MICU3: variants seen among roughly 807,000 people sequenced by gnomAD.
MICU3 encodes mitochondrial calcium uptake 3.
A neutral mutation model predicts 66.5 loss-of-function variants in MICU3; 62 were observed. The observed-to-expected ratio is 0.93, with a 90% confidence interval of 0.76 to 1.15. The LOEUF is 1.15. Ranked by LOEUF, MICU3 falls within the 50% of genes most tolerant of loss-of-function variation. The pLI is 0.00. For synonymous variants in MICU3, 308 were observed against 240.7 expected, an observed-to-expected ratio of 1.28 and a Z score of -2.59; for missense variants, 779 against 664.4, an observed-to-expected ratio of 1.17 and a Z score of -1.90.
intron 1 of MICU3, among the ~76,000 whole-genome samples, chr8:17,050,462 G>T (rs539359064): frequency 1.3e-5 from 2 of 151,464 alleles, no homozygotes; most frequent in Non-Finnish European, 2.9e-5. Context: ...TGATATTTTT[G>T]TGAAGATTGA....
intron 11 of MICU3, among the ~76,000 whole-genome samples, chr8:17,110,882 G>A (rs1679185756): frequency 6.6e-6 from 1 of 152,020 alleles, no homozygotes; most frequent in South Asian, 2.1e-4. Flanking sequence ...TGGTCTCATA[G>A]TGTTTTTTAG....
intron 1 of MICU3, among the ~76,000 whole-genome samples, chr8:17,037,119 C>A (rs1312792790): frequency 1.3e-5 from 2 of 152,232 alleles, no homozygotes; most frequent in African/African-American, 4.8e-5. Flanking sequence ...GACTGCGGGG[C>A]CTGCCAAGCC....
intron 1 of MICU3, among the ~76,000 whole-genome samples, chr8:17,051,673 A>AAGAGG: frequency 6.6e-6 from 1 of 152,208 alleles, no homozygotes; most frequent in Non-Finnish European, 1.5e-5. Flanking sequence ...CAACTGTGTC[A>AAGAGG]AATGCTATAA....
chr8:17,041,671 G>A (rs11203826), intron 1 of MICU3, among the ~76,000 whole-genome samples: 40,735 of 151,844 alleles, frequency 0.27, 6,207 homozygotes, highest in East Asian at 0.6. Flanking sequence ...TTAAAGGAAA[G>A]AGAATAATTG....
chr8:17,124,266 C>T (rs775379006), downstream of MICU3, among the ~76,000 whole-genome samples: 12 of 152,052 alleles, frequency 7.9e-5, no homozygotes, highest in Non-Finnish European at 1.5e-4. Flanking sequence ...CTTCCTTATA[C>T]ATCTTTCCCT....
At chr8:17,098,150 A>C (rs992365907) in intron 8 of MICU3, among the ~76,000 whole-genome samples, 1 of 151,654 alleles carries the variant, frequency 6.6e-6, no homozygotes, top group African/African-American at 2.4e-5. Context: ...ATTTTTTTTC[A>C]CCCTTTCTTA....
At chr8:17,097,210 T>G (rs906666458) in intron 8 of MICU3, among the ~76,000 whole-genome samples, 1 of 151,802 alleles carries the variant, frequency 6.6e-6, no homozygotes, top group African/African-American at 2.4e-5. Flanking sequence ...ATCAATCATT[T>G]GATCTAGCTA....
At chr8:17,027,928 C>T (rs1811306071) in intron 1 of MICU3, among the ~76,000 whole-genome samples, 1 of 152,146 alleles carries the variant, frequency 6.6e-6, no homozygotes, top group Non-Finnish European at 1.5e-5. Flanking sequence ...AACACCCCTC[C>T]CCCTCTTACA....
chr8:17,086,324 A>T (rs1415575236), intron 6 of MICU3, among the ~76,000 whole-genome samples: 1 of 152,012 alleles, frequency 6.6e-6, no homozygotes, highest in East Asian at 1.9e-4. Flanking sequence ...ATCAGAAGCT[A>T]ACTAGTAGCC....
At chr8:17,098,415 A>C (rs1329483697) in intron 8 of MICU3, 43 bp from the exon 9 acceptor site, 1 of 1,173,096 alleles carries the variant, frequency 8.5e-7, no homozygotes, top group South Asian at 1.2e-5. Flanking sequence ...ATTCTTTGTA[A>C]CTATTCTTTA....
At chr8:17,055,186 G>T (rs1816742530) in intron 1 of MICU3, among the ~76,000 whole-genome samples, 1 of 152,218 alleles carries the variant, frequency 6.6e-6, no homozygotes, top group African/African-American at 2.4e-5. Context: ...AATTTGGAAA[G>T]AGATTACAGT....
chr8:17,052,890 A>G (rs888170629), intron 1 of MICU3, among the ~76,000 whole-genome samples: 14 of 152,206 alleles, frequency 9.2e-5, no homozygotes, highest in African/African-American at 2.9e-4. Context: ...ATGCAAGTCC[A>G]TAAGATTCTT....
At chr8:17,091,569 C>A (rs1028600759) in intron 8 of MICU3, among the ~76,000 whole-genome samples, 5 of 152,040 alleles carry the variant, frequency 3.3e-5, no homozygotes, top group Non-Finnish European at 7.4e-5. Flanking sequence ...CTACTGGAGG[C>A]TGATCCCTGT....
chr8:17,039,895 C>CTTTTTTTTTTTTTTTTTTT lies in MICU3; in HGVS notation c.381+12246_381+12264dup, dbSNP rs35133600. Among the ~76,000 whole-genome samples, 2 of 62,492 alleles carry CTTTTTTTTTTTTTTTTTTT rather than the reference C, an allele frequency of 3.2e-5. 1 individual carries two copies. Among genetic ancestry groups the CTTTTTTTTTTTTTTTTTTT allele is most frequent in the Non-Finnish European group, 5.4e-5 (2 of 36,840 alleles). The allele number at this position is 62,492 out of a possible 152,430, so 41.0% of individuals were successfully genotyped here. A position where few individuals can be genotyped will look rare whatever the true frequency, so the allele number is the denominator to read the frequency against. On this transcript the variant is annotated intron_variant, in intron 1 of 14. Transcript: ENST00000318063. ...ATGAAGGTATCCATCATCTTGCATT[C>CTTTTTTTTTTTTTTTTTTT]TTTTTTTTTTTTTTTTTTTTTTTTT...
intron 8 of MICU3, among the ~76,000 whole-genome samples, chr8:17,094,223 T>C (rs571900955): frequency 3.3e-5 from 5 of 152,154 alleles, no homozygotes; most frequent in African/African-American, 9.6e-5. Flanking sequence ...ATGTTGTATG[T>C]AGTCCTAGTT....
At chr8:17,112,361 T>C (rs1352352763) in intron 11 of MICU3, among the ~76,000 whole-genome samples, 1 of 152,206 alleles carries the variant, frequency 6.6e-6, no homozygotes, top group Admixed American at 6.5e-5. Context: ...ACAAGTTCCA[T>C]TCAAGTCCTG....
intron 9 of MICU3, among the ~76,000 whole-genome samples, chr8:17,098,774 A>C (rs1441936220): frequency 6.6e-6 from 1 of 151,778 alleles, no homozygotes; most frequent in Non-Finnish European, 1.5e-5. Flanking sequence ...CTTAAGGATC[A>C]CTTTCTAGAA....
chr8:17,102,543 A>G (rs1801357589), intron 9 of MICU3: 1 of 151,934 alleles, frequency 6.6e-6, no homozygotes, highest in Non-Finnish European at 1.5e-5. Flanking sequence ...CATGTCTTCT[A>G]ATTTTAAATT....
chr8:17,053,026 A>G (rs1368161038), intron 1 of MICU3, among the ~76,000 whole-genome samples: 3 of 152,318 alleles, frequency 2.0e-5, no homozygotes, highest in Non-Finnish European at 4.4e-5. Context: ...ACATGAAATT[A>G]ATACATTTTA....
Sources: allele counts gnomAD v4.1 joint callset (sites outside exome capture counted in the v4.1 genomes callset), GRCh38; gene constraint gnomAD v4.1.1; transcripts MANE v1.5; gene names NCBI Gene and HGNC (gene_info 2026-07-23, HGNC 2026-07-21).